The following TSHZ2 variants were observed in gnomAD, a reference collection of about 807,000 sequenced individuals.
TSHZ2 encodes teashirt homolog 2.
Under a neutral mutation model 74.4 loss-of-function variants are expected in TSHZ2, and 21 were observed. The observed-to-expected ratio is 0.28, with a 90% CI of 0.20 to 0.41. The LOEUF is 0.41. TSHZ2 is among the 10% of genes least tolerant of loss of function. The pLI is 1.00. For missense variants in TSHZ2, 1,244 were observed against 1,293.5 expected (o/e 0.96, Z 0.59); for synonymous variants, 540 against 515.3 (o/e 1.05, Z -0.65).
chr20:53,128,287 A>G (rs1600703601), intron 1 of TSHZ2, among the ~76,000 whole-genome samples: 1 of 152,146 alleles, frequency 6.6e-6, no homozygotes, highest in African/African-American at 2.4e-5. Context: ...AGCCATGTGG[A>G]CTGTTAGAAA....
At chr20:53,319,823 A>T (rs766306407) in intron 2 of TSHZ2, among the ~76,000 whole-genome samples, 3 of 152,236 alleles carry the variant, frequency 2.0e-5, no homozygotes, top group Non-Finnish European at 4.4e-5. Flanking sequence ...CACTCAACAC[A>T]TGTGGCCATT....
chr20:53,192,139 A>G (rs1480122051), intron 1 of TSHZ2, among the ~76,000 whole-genome samples: 1 of 152,202 alleles, frequency 6.6e-6, no homozygotes, highest in African/African-American at 2.4e-5. Flanking sequence ...GGAGGCTCAG[A>G]GTGGTTGATC....
chr20:53,128,557 A>T (rs1987012583), intron 1 of TSHZ2, among the ~76,000 whole-genome samples: 1 of 152,136 alleles, frequency 6.6e-6, no homozygotes, highest in African/African-American at 2.4e-5. Flanking sequence ...TGTTACTGTT[A>T]CTATGATTAT....
intron 1 of TSHZ2, among the ~76,000 whole-genome samples, chr20:53,246,565 C>T (rs941316123): frequency 6.6e-6 from 1 of 152,190 alleles, no homozygotes; most frequent in Non-Finnish European, 1.5e-5. Flanking sequence ...CATCCAACTT[C>T]TCTCCATAAC....
intron 1 of TSHZ2, among the ~76,000 whole-genome samples, chr20:53,060,222 T>G (rs1984775157): frequency 6.6e-6 from 1 of 152,210 alleles, no homozygotes; most frequent in African/African-American, 2.4e-5. Flanking sequence ...TCTACCTCAC[T>G]GAATTTTATG....
chr20:53,050,154 C>CAT lies in TSHZ2; in HGVS notation c.40+76822_40+76823insTA, dbSNP rs1227301425. ...ATATATATATGTGTATATATATATACACATATATATGTACATATATACACA... is the reference window on the plus strand; with the variant it reads ...ATATATATATGTGTATATATATATACATACATATATATGTACATATATACACA... On this transcript the variant is annotated intron_variant, in intron 1 of 2. Transcript: ENST00000371497. Among the ~76,000 whole-genome samples, 62 of 86,876 alleles carry CAT rather than the reference C, an allele frequency of 7.1e-4. 2 individuals carry two copies. Among genetic ancestry groups the CAT allele is most frequent in the Admixed American group, 3.5e-3 (30 of 8,576 alleles). The allele number at this position is 86,876 out of a possible 152,430, so 57.0% of individuals were successfully genotyped here.
intron 1 of TSHZ2, among the ~76,000 whole-genome samples, chr20:53,078,393 T>C: frequency 6.6e-6 from 1 of 152,196 alleles, no homozygotes; most frequent in East Asian, 1.9e-4. Flanking sequence ...AGAACTACAG[T>C]ATGCCTGACA....
intron 2 of TSHZ2, among the ~76,000 whole-genome samples, chr20:53,461,844 T>C (rs1650963045): frequency 6.6e-6 from 1 of 152,190 alleles, no homozygotes; most frequent in Non-Finnish European, 1.5e-5. Flanking sequence ...ATGTAAGTTA[T>C]GGAGGTGACA....
At chr20:53,438,178 C>T (rs146800259) in intron 2 of TSHZ2, among the ~76,000 whole-genome samples, 1,557 of 149,464 alleles carry the variant, frequency 0.01, 12 homozygotes, top group South Asian at 0.036. Context: ...GGTGCAGTCT[C>T]GGCTCATTGC....
At chr20:53,455,652 T>C (rs1054522204) in intron 2 of TSHZ2, among the ~76,000 whole-genome samples, 2 of 152,094 alleles carry the variant, frequency 1.3e-5, no homozygotes, top group Non-Finnish European at 2.9e-5. Flanking sequence ...CATGCTGGTG[T>C]GCTGCACCCA....
intron 2 of TSHZ2, among the ~76,000 whole-genome samples, chr20:53,291,616 C>T (rs1425983883): frequency 6.6e-6 from 1 of 152,028 alleles, no homozygotes; most frequent in African/African-American, 2.4e-5. Flanking sequence ...CCCAGAGATC[C>T]AGAGAATCAG....
Position 53,482,517 on chromosome 20 carries a change from A to T in TSHZ2, c.*9-4627A>T, listed in dbSNP as rs192210384. On this transcript the variant is annotated intron_variant, in intron 2 of 2. Coordinates refer to ENST00000371497, the MANE Select transcript of TSHZ2 (RefSeq NM_173485.6). ...AAAACTTCCTTGGTTTTCACACAGG[A>T]ATCTGTCATTTGTGCTTATTTCACA... Among the ~76,000 whole-genome samples the T allele has an allele frequency of 2.5e-3, 377 of 152,344 alleles. 2 individuals are homozygous for T. Among genetic ancestry groups the T allele is most frequent in the African/African-American group, 8.7e-3 (362 of 41,576 alleles).
rs183279893 is a variant in TSHZ2 at position 53,237,619 on chromosome 20, T to C, written c.41-15880T>C. Among the ~76,000 whole-genome samples the C allele has an allele frequency of 2.2e-4, 34 of 152,282 alleles. No homozygotes were observed. In the East Asian group the frequency reaches 5.0e-3, roughly 22 times the overall value. On this transcript the variant is annotated intron_variant, in intron 1 of 2. Coordinates refer to ENST00000371497, the MANE Select transcript of TSHZ2 (RefSeq NM_173485.6). Reference sequence around the variant, plus strand: ...GACTGGAAAAAGATGAGATCATTTGTAAGTGGCTTGTTAAAGTGCACATCA... The same window carrying C: ...GACTGGAAAAAGATGAGATCATTTGCAAGTGGCTTGTTAAAGTGCACATCA...
intron 1 of TSHZ2, among the ~76,000 whole-genome samples, chr20:53,232,792 C>T (rs769872318): frequency 5.9e-5 from 9 of 151,946 alleles, no homozygotes; most frequent in Non-Finnish European, 1.2e-4. Context: ...TTCTCTGTGC[C>T]AAGCACCGTG....
chr20:53,107,578 G>A (rs1362464997), intron 1 of TSHZ2, among the ~76,000 whole-genome samples: 1 of 152,218 alleles, frequency 6.6e-6, no homozygotes, highest in African/African-American at 2.4e-5. Flanking sequence ...GACATGGTGT[G>A]TAATAGCATC....
intron 1 of TSHZ2, among the ~76,000 whole-genome samples, chr20:52,995,078 A>G (rs1472471308): frequency 1.3e-5 from 2 of 152,228 alleles, no homozygotes; most frequent in African/African-American, 4.8e-5. Context: ...ACAAGTACCT[A>G]ACCTCAGCAC....
intron 2 of TSHZ2, among the ~76,000 whole-genome samples, chr20:53,305,062 A>G (rs995338438): frequency 1.3e-5 from 2 of 151,762 alleles, no homozygotes; most frequent in Non-Finnish European, 2.9e-5. Flanking sequence ...CAGCCTCCCA[A>G]GTAGCTGGGA....
At chr20:53,280,158 GT>G (rs376164096) in intron 2 of TSHZ2, among the ~76,000 whole-genome samples, 2 of 152,306 alleles carry the variant, frequency 1.3e-5, no homozygotes, top group African/African-American at 4.8e-5. Flanking sequence ...ATGTATGTGT[GT>G]GTGAATGTAC....
intron 2 of TSHZ2, among the ~76,000 whole-genome samples, chr20:53,370,650 G>A (rs755572926): frequency 2.0e-5 from 3 of 152,254 alleles, no homozygotes; most frequent in South Asian, 2.1e-4. Flanking sequence ...TGTGGTCCCA[G>A]ATACTCAGGG....
Sources: allele counts gnomAD v4.1 joint callset (sites outside exome capture counted in the v4.1 genomes callset), GRCh38; gene constraint gnomAD v4.1.1; transcripts MANE v1.5; gene names NCBI Gene and HGNC (gene_info 2026-07-23, HGNC 2026-07-21).